PRKCB: variants seen among roughly 807,000 people sequenced by gnomAD.
PRKCB encodes the protein protein kinase C beta, also known as protein kinase C beta type.
PRKCB carries 13 observed loss-of-function variants against 81.5 expected under a neutral mutation model. The observed-to-expected ratio is 0.16, with a 90% confidence interval of 0.10 to 0.25. The LOEUF (loss-of-function observed/expected upper bound fraction) is 0.25, where lower values mean the gene tolerates loss of function less well. Ranked by LOEUF, PRKCB falls within the 10% of genes least tolerant of loss-of-function variation. PRKCB has a pLI of 1.00. For missense variants in PRKCB, 509 were observed against 875.7 expected (o/e 0.58, Z 5.29); for synonymous variants, 335 against 321.4 (o/e 1.04, Z -0.45).
intron 2 of PRKCB, among the ~76,000 whole-genome samples, chr16:23,900,107 G>T (rs1963446725): frequency 6.6e-6 from 1 of 152,152 alleles, no homozygotes; most frequent in Non-Finnish European, 1.5e-5. Context: ...GGTGGTGGGG[G>T]TTGCTACTGG....
intron 16 of PRKCB, among the ~76,000 whole-genome samples, chr16:24,211,860 C>T (rs1322292172): frequency 5.9e-5 from 9 of 152,054 alleles, no homozygotes. Flanking sequence ...GCGCCCGGCC[C>T]CAGACTCACT....
At chr16:24,169,335 A>C (rs1313013186) in intron 10 of PRKCB, among the ~76,000 whole-genome samples, 1 of 152,186 alleles carries the variant, frequency 6.6e-6, no homozygotes, top group Non-Finnish European at 1.5e-5. Context: ...AACAAATTTT[A>C]CATGGCTCCT....
At chr16:24,025,817 G>A (rs752192447) in intron 3 of PRKCB, among the ~76,000 whole-genome samples, 12 of 152,182 alleles carry the variant, frequency 7.9e-5, no homozygotes, top group Non-Finnish European at 1.6e-4. Context: ...GGAGAGAAGG[G>A]AGGGGAACTT....
intron 3 of PRKCB, among the ~76,000 whole-genome samples, chr16:24,013,098 C>T (rs1965226933): frequency 6.6e-6 from 1 of 152,346 alleles, no homozygotes; most frequent in African/African-American, 2.4e-5. Flanking sequence ...CTGGTCAACT[C>T]ACGCTGGTCC....
At chr16:24,107,870 T>TC (rs1420023118) in intron 7 of PRKCB, among the ~76,000 whole-genome samples, 11 of 152,328 alleles carry the variant, frequency 7.2e-5, no homozygotes, top group African/African-American at 2.6e-4. Flanking sequence ...ATCTGTATTT[T>TC]CCCAAGTGTG....
chr16:23,918,861 A>G (rs1597245440), intron 2 of PRKCB, among the ~76,000 whole-genome samples: 1 of 152,276 alleles, frequency 6.6e-6, no homozygotes, highest in African/African-American at 2.4e-5. Flanking sequence ...TATATAAAAC[A>G]ATGGATAAGA....
intron 2 of PRKCB, among the ~76,000 whole-genome samples, chr16:23,922,456 T>C (rs1963839383): frequency 6.6e-6 from 1 of 152,238 alleles, no homozygotes; most frequent in African/African-American, 2.4e-5. Context: ...AAGATGTCTC[T>C]AGGCTAGATC....
intron 16 of PRKCB, among the ~76,000 whole-genome samples, chr16:24,211,337 G>A (rs1968134862): frequency 6.6e-6 from 1 of 152,106 alleles, no homozygotes; most frequent in African/African-American, 2.4e-5. Context: ...GTAGAAAATG[G>A]GAACTAAATA....
chr16:24,024,388 G>T (rs1465502593), intron 3 of PRKCB, among the ~76,000 whole-genome samples: 2 of 152,188 alleles, frequency 1.3e-5, no homozygotes, highest in Non-Finnish European at 2.9e-5. Flanking sequence ...AGGAGGAATT[G>T]CCTTTGAGAT....
At chr16:24,112,167 G>A (rs999078723) in intron 7 of PRKCB, among the ~76,000 whole-genome samples, 3 of 152,204 alleles carry the variant, frequency 2.0e-5, no homozygotes, top group East Asian at 1.9e-4. Flanking sequence ...TCACCTAAAT[G>A]CAGTTGAGTG....
chr16:23,844,242 A>G (rs926537341), intron 2 of PRKCB, among the ~76,000 whole-genome samples: 1 of 152,090 alleles, frequency 6.6e-6, no homozygotes, highest in Non-Finnish European at 1.5e-5. Flanking sequence ...CATTCATCCA[A>G]TCTCTTCATT....
intron 9 of PRKCB, among the ~76,000 whole-genome samples, chr16:24,145,790 G>C (rs1966979699): frequency 6.6e-6 from 1 of 152,222 alleles, no homozygotes; most frequent in Non-Finnish European, 1.5e-5. Context: ...GGAGGTTGGT[G>C]CTTTGTACAA....
At chr16:24,110,510 C>CT (rs1211090636) in intron 7 of PRKCB, among the ~76,000 whole-genome samples, 1,759 of 111,086 alleles carry the variant, frequency 0.016, 44 homozygotes, top group African/African-American at 0.035. Context: ...CATGCCCAAC[C>CT]TTTTTTTTTT....
intron 9 of PRKCB, among the ~76,000 whole-genome samples, chr16:24,137,627 A>G (rs1490809549): frequency 6.6e-6 from 1 of 152,210 alleles, no homozygotes; most frequent in Non-Finnish European, 1.5e-5. Flanking sequence ...CTACTGGTCC[A>G]ATTATTGTGC....
chr16:24,161,323 T>C (rs1191264621), intron 10 of PRKCB, among the ~76,000 whole-genome samples: 1 of 152,070 alleles, frequency 6.6e-6, no homozygotes, highest in African/African-American at 2.4e-5. Flanking sequence ...TAACAGAAAA[T>C]GTAGGATATT....
intron 2 of PRKCB, among the ~76,000 whole-genome samples, chr16:23,971,871 A>T (rs1054244145): frequency 6.6e-6 from 1 of 152,194 alleles, no homozygotes; most frequent in Non-Finnish European, 1.5e-5. Context: ...ATTAAGTTAA[A>T]CATAGAGTTA....
intron 2 of PRKCB, among the ~76,000 whole-genome samples, chr16:23,926,602 CAT>C (rs1383229826): frequency 2.0e-5 from 3 of 151,054 alleles, no homozygotes; most frequent in Non-Finnish European, 2.9e-5. Flanking sequence ...ATACCACACA[CAT>C]ACGTGTATAT....
At chr16:23,914,244 GC>G (rs1351745523) in intron 2 of PRKCB, among the ~76,000 whole-genome samples, 2 of 152,094 alleles carry the variant, frequency 1.3e-5, no homozygotes, top group African/African-American at 4.8e-5. Context: ...CAAACTCCTG[GC>G]CTCAAGTGAT....
chr16:24,019,662 G>C (rs1013483559), intron 3 of PRKCB, among the ~76,000 whole-genome samples: 1 of 152,042 alleles, frequency 6.6e-6, no homozygotes, highest in Non-Finnish European at 1.5e-5. Flanking sequence ...CACTTCGGGG[G>C]CTGAGGCAGG....
Sources: allele counts gnomAD v4.1 joint callset (sites outside exome capture counted in the v4.1 genomes callset), GRCh38; gene constraint gnomAD v4.1.1; transcripts MANE v1.5; gene names NCBI Gene and HGNC (gene_info 2026-07-23, HGNC 2026-07-21).